PDE9A: variants seen among roughly 807,000 people sequenced by gnomAD.
PDE9A encodes the protein high affinity cGMP-specific 3',5'-cyclic phosphodiesterase 9A.
In PDE9A, 60 loss-of-function variants were observed where a neutral mutation model predicts 87.4. The ratio of observed to expected loss-of-function variants is 0.69; its 90% confidence interval spans 0.56 to 0.85. The LOEUF (loss-of-function observed/expected upper bound fraction) is 0.85. PDE9A is among the 40% of genes least tolerant of loss of function. The pLI, the probability that PDE9A is intolerant of heterozygous loss-of-function variation, is 0.00. For missense variants in PDE9A, 665 were observed against 779.0 expected, an observed-to-expected ratio of 0.85 and a Z score of 1.74; for synonymous variants, 272 against 279.4, an observed-to-expected ratio of 0.97 and a Z score of 0.27.
chr21:42,717,230 A>G (rs1458639520), intron 4 of PDE9A, among the ~76,000 whole-genome samples: 1 of 148,068 alleles, frequency 6.8e-6, no homozygotes, highest in East Asian at 2.0e-4. Flanking sequence ...TTTTCTTTTA[A>G]TGTTTCTTGC....
At chr21:42,738,960 G>C (rs930923818) in intron 7 of PDE9A, among the ~76,000 whole-genome samples, 19 of 152,204 alleles carry the variant, frequency 1.2e-4, no homozygotes, top group African/African-American at 4.6e-4. Context: ...CAAAGTGCTG[G>C]GATTATAGGC....
intron 8 of PDE9A, among the ~76,000 whole-genome samples, chr21:42,749,876 G>GA (rs1275700507): frequency 6.6e-6 from 1 of 152,162 alleles, no homozygotes; most frequent in Non-Finnish European, 1.5e-5. Context: ...AGTGGCTCAC[G>GA]CCTGTAATCC....
chr21:42,704,477 C>T lies in PDE9A; in HGVS notation c.262+5466C>T, dbSNP rs2048656546. 6.8e-6 allele frequency among the ~76,000 whole-genome samples: 1 copy of T among 147,740 alleles called. No homozygotes were observed. Among genetic ancestry groups the T allele is most frequent in the Non-Finnish European group, 1.5e-5 (1 of 66,792 alleles). On this transcript the variant is annotated intron_variant, in intron 4 of 19. Transcript: ENST00000291539. This position sits in a 1 kb window ranked among gnomAD's most constrained non-coding sequence, Gnocchi z 5.3. ...ACACACACACACACACACAGCTTTCCTGAGAAATGTGTTTACAGAACATTT... is the reference window on the plus strand; with the variant it reads ...ACACACACACACACACACAGCTTTCTTGAGAAATGTGTTTACAGAACATTT...
chr21:42,671,105 A>C (rs557122372), intron 1 of PDE9A, among the ~76,000 whole-genome samples: 1 of 152,280 alleles, frequency 6.6e-6, no homozygotes, highest in South Asian at 2.1e-4. Flanking sequence ...GCGTGGAAAC[A>C]GTGCAGATGG....
Position 42,760,537 on chromosome 21 carries a change from G to T in PDE9A, c.1002+105G>T. On this transcript the variant is annotated intron_variant, in intron 12 of 19. Coordinates refer to ENST00000291539, the MANE Select transcript of PDE9A (RefSeq NM_002606.3). This position sits in a 1 kb window ranked among gnomAD's most constrained non-coding sequence, Gnocchi z 5.2. ...ATCCCACCAAGAGAGCCACAGGCGT[G>T]GGGTCCCCAGCCGCTCCGCCCCTCC... is the stretch of plus-strand genomic sequence containing the variant. 2.7e-6 allele frequency: 2 copies of T among 728,552 alleles called. No individual in the cohort carries two copies. The highest frequency in any genetic ancestry group is 4.7e-6 in the Non-Finnish European group (2 of 427,918). 45.1% of individuals were successfully genotyped at this position (728,552 alleles called of 1,614,324 possible).
intron 1 of PDE9A, among the ~76,000 whole-genome samples, chr21:42,661,384 C>CTCCCCA (rs1161106893): frequency 1.9e-4 from 28 of 150,982 alleles, no homozygotes; most frequent in Non-Finnish European, 3.4e-4. Flanking sequence ...TAAACCCTCC[C>CTCCCCA]TCCCCATCCC....
intron 10 of PDE9A, 28 bp from the exon 11 acceptor site, chr21:42,758,971 A>C (rs745657242): frequency 3.8e-6 from 6 of 1,572,786 alleles, no homozygotes; most frequent in Non-Finnish European, 4.4e-6. Flanking sequence ...ACAACTGCCC[A>C]GTGCCTATCC....
chr21:42,670,825 G>A (rs893678305), intron 1 of PDE9A, among the ~76,000 whole-genome samples: 2 of 151,890 alleles, frequency 1.3e-5, no homozygotes, highest in Admixed American at 6.6e-5. Context: ...ACACACACAC[G>A]GATGCATTAG....
intron 1 of PDE9A, among the ~76,000 whole-genome samples, chr21:42,670,025 G>A (rs1298636431): frequency 1.3e-5 from 2 of 151,820 alleles, no homozygotes; most frequent in Non-Finnish European, 2.9e-5. Context: ...TAAAAGGAAA[G>A]CACCATGTTT....
At chr21:42,715,553 G>T (rs1015905928) in intron 4 of PDE9A, among the ~76,000 whole-genome samples, 1 of 151,616 alleles carries the variant, frequency 6.6e-6, no homozygotes, top group Non-Finnish European at 1.5e-5. Context: ...GAAGGCGGAG[G>T]TTGCAGTGAG....
rs140855215 is a variant in PDE9A at position 42,756,472 on chromosome 21, G to A, written c.810+2408G>A. ...CCCCCACTTTTCTCCGAGTGGTTTG[G>A]CCCAGTGTCCTGCCCATCACAAACC... On this transcript the variant is annotated intron_variant, in intron 10 of 19. Transcript: ENST00000291539. 2.5e-3 allele frequency among the ~76,000 whole-genome samples: 375 copies of A among 152,346 alleles called. 1 individual carries two copies. Among genetic ancestry groups the A allele is most frequent in the Middle Eastern group, 6.8e-3 (2 of 294 alleles).
rs567281015 is a variant in PDE9A at position 42,757,803 on chromosome 21, T to G, written c.811-1196T>G. 6.6e-5 allele frequency: 10 copies of G among 152,344 alleles called. No individual in the cohort carries two copies. In the South Asian group the frequency reaches 2.1e-3, roughly 32 times the overall value. 9.4% of individuals were successfully genotyped at this position (152,344 alleles called of 1,614,324 possible). A position where few individuals can be genotyped will look rare whatever the true frequency, so the allele number is the denominator to read the frequency against. ...ATCCCAGGTGCTCTTCCTCCTCTAA[T>G]GAAGACACTAGTCCCATGGGACCAA... On this transcript the variant is annotated intron_variant, in intron 10 of 19. Coordinates refer to ENST00000291539, the MANE Select transcript of PDE9A (RefSeq NM_002606.3).
chr21:42,702,870 G>A lies in PDE9A; in HGVS notation c.262+3859G>A, dbSNP rs1007583749. 6.6e-6 allele frequency among the ~76,000 whole-genome samples: 1 copy of A among 152,234 alleles called. No homozygotes were observed. The highest frequency in any genetic ancestry group is 1.5e-5 in the Non-Finnish European group (1 of 68,048). On this transcript the variant is annotated intron_variant, in intron 4 of 19. Transcript: ENST00000291539. The surrounding 1 kb of genome is among the most constrained non-coding windows in gnomAD (Gnocchi z 4.9). ...AGGATGCTGGCTTTTATGCTGAGTG[G>A]CGTGGGCAGCTATTAGAAGGCTTTC...
At chr21:42,670,254 T>C (rs573352120) in intron 1 of PDE9A, among the ~76,000 whole-genome samples, 1 of 131,020 alleles carries the variant, frequency 7.6e-6, no homozygotes, top group African/African-American at 3.9e-5. Flanking sequence ...TACACATACA[T>C]ACATTCACAC....
chr21:42,773,644 A>G (rs542811460), intron 19 of PDE9A, among the ~76,000 whole-genome samples: 1 of 151,232 alleles, frequency 6.6e-6, no homozygotes, highest in South Asian at 2.1e-4. Context: ...TACTTTAAAC[A>G]CAAAAAATTA....
chr21:42,714,016 A>ATTTTT lies in PDE9A; in HGVS notation c.262+15021_262+15025dup, dbSNP rs11403559. ...TGTTAAAACTTTTTTTTTCATTCCA[A>ATTTTT]TTTTTTTTTTTTTTTTTTTTGAGAT... On this transcript the variant is annotated intron_variant, in intron 4 of 19. Coordinates refer to ENST00000291539, the MANE Select transcript of PDE9A (RefSeq NM_002606.3). Among the ~76,000 whole-genome samples the ATTTTT allele has an allele frequency of 3.6e-4, 33 of 90,424 alleles. 1 individual carries two copies. Among genetic ancestry groups the ATTTTT allele is most frequent in the Non-Finnish European group, 4.1e-4 (20 of 48,528 alleles). The allele number at this position is 90,424 out of a possible 152,430, so 59.3% of individuals were successfully genotyped here.
intron 1 of PDE9A, among the ~76,000 whole-genome samples, chr21:42,670,652 C>T (rs374791048): frequency 0.013 from 1,944 of 147,192 alleles, 23 homozygotes; most frequent in Non-Finnish European, 0.019. Flanking sequence ...AACTATCATT[C>T]ACACACATAC....
chr21:42,745,453 A>T (rs577281741), intron 8 of PDE9A, among the ~76,000 whole-genome samples: 7 of 152,326 alleles, frequency 4.6e-5, no homozygotes, highest in African/African-American at 1.7e-4. Context: ...CCTGTGCTGG[A>T]GGCTCTTTAA....
At chr21:42,672,065 T>G (rs1361132657) in intron 1 of PDE9A, among the ~76,000 whole-genome samples, 2 of 152,240 alleles carry the variant, frequency 1.3e-5, no homozygotes, top group African/African-American at 2.4e-5. Context: ...CAGTCTAGGA[T>G]AGAGAAAATA....
Sources: gnomAD v4.1 joint callset for allele counts (sites outside exome capture counted in the v4.1 genomes callset) on GRCh38, gnomAD v4.1.1 for gene constraint, Gnocchi (gnomAD v3.1) non-coding constraint, MANE v1.5 for transcripts, NCBI Gene and HGNC (gene_info 2026-07-23, HGNC 2026-07-21) for gene names.